Variants in CMSS1 observed in about 807,000 individuals in gnomAD.
CMSS1 encodes protein CMSS1.
In CMSS1, 33 loss-of-function variants were observed where a neutral mutation model predicts 43.5. The observed-to-expected ratio is 0.76, with a 90% CI of 0.57 to 1.01. CMSS1 has a LOEUF of 1.01. Among genes scored for constraint, CMSS1 ranks in the 50% least tolerant of loss-of-function variants. CMSS1 has a pLI of 0.00. For synonymous variants in CMSS1, 115 were observed against 117.2 expected, an observed-to-expected ratio of 0.98 and a Z score of 0.12; for missense variants, 313 against 326.4, an observed-to-expected ratio of 0.96 and a Z score of 0.32.
At chr3:100,144,457 G>A (rs1162617446) in intron 1 of CMSS1, among the ~76,000 whole-genome samples, 1 of 152,174 alleles carries the variant, frequency 6.6e-6, no homozygotes, top group Non-Finnish European at 1.5e-5. Context: ...TGGTGGTGGT[G>A]AAGTTGGGGA....
chr3:99,880,196 C>T (rs1705675835), intron 1 of CMSS1, among the ~76,000 whole-genome samples: 1 of 152,174 alleles, frequency 6.6e-6, no homozygotes, highest in Non-Finnish European at 1.5e-5. Context: ...ATGCCCTAGA[C>T]AATCATTTTT....
At chr3:100,048,789 C>T (rs1559739052) in intron 1 of CMSS1, among the ~76,000 whole-genome samples, 1 of 152,052 alleles carries the variant, frequency 6.6e-6, no homozygotes, top group East Asian at 1.9e-4. Flanking sequence ...CTAGGTTTTT[C>T]TCCTAGGACA....
intron 1 of CMSS1, chr3:99,849,662 A>G: frequency 6.2e-7 from 1 of 1,613,334 alleles, no homozygotes; most frequent in Non-Finnish European, 8.5e-7. Context: ...TTAGATAAAA[A>G]TTGAGCTTTG....
At chr3:100,046,115 A>G (rs1480495304) in intron 1 of CMSS1, among the ~76,000 whole-genome samples, 2 of 152,218 alleles carry the variant, frequency 1.3e-5, no homozygotes, top group Admixed American at 6.5e-5. Context: ...TTTTCCCCCA[A>G]GGCTTCACAG....
At chr3:100,051,868 A>C (rs2065380007) in intron 1 of CMSS1, among the ~76,000 whole-genome samples, 1 of 148,566 alleles carries the variant, frequency 6.7e-6, no homozygotes, top group South Asian at 2.1e-4. Context: ...TAAGTATATA[A>C]TTTAATGTAA....
chr3:99,850,883 T>G (rs1263779049), intron 1 of CMSS1: 13 of 1,614,096 alleles, frequency 8.1e-6, no homozygotes, highest in Non-Finnish European at 1.0e-5. Context: ...TTTGCATTTG[T>G]GGTCAGCTCT....
At chr3:99,953,256 G>A (rs1309095429) in intron 1 of CMSS1, among the ~76,000 whole-genome samples, 2 of 151,962 alleles carry the variant, frequency 1.3e-5, no homozygotes, top group African/African-American at 4.8e-5. Flanking sequence ...ATAACCAATC[G>A]TTTCTTTGTT....
rs12630489 is a variant in CMSS1, at chr3:100,010,040, A to G, written c.65-136933A>G. The G allele has an allele frequency of 5.7e-4, 120 of 211,792 alleles. 1 individual carries two copies. In the East Asian group the frequency reaches 0.02, roughly 35 times the overall value. The allele number at this position is 211,792 out of a possible 1,614,324, so 13.1% of individuals were successfully genotyped here. On this transcript the variant is annotated intron_variant, in intron 1 of 9. Transcript: ENST00000421999. The stretch of plus-strand genomic sequence containing the variant: ...TTTGGATTGTCCATCAGTTGTTAAG[A>G]TATCTACCATATGTTTTACAGACTA...
intron 1 of CMSS1, chr3:100,075,599 G>T (rs2065837804): frequency 6.7e-6 from 1 of 148,718 alleles, no homozygotes. Context: ...TATACCCACT[G>T]ATGGCAGACT....
intron 1 of CMSS1, among the ~76,000 whole-genome samples, chr3:100,014,898 T>TC (rs34248769): frequency 0.068 from 7,419 of 109,744 alleles, 327 homozygotes; most frequent in Non-Finnish European, 0.1. Context: ...TTTCTTTCTT[T>TC]TTTTTTTTTT....
At chr3:99,906,778 C>T (rs564724625) in intron 1 of CMSS1, among the ~76,000 whole-genome samples, 2 of 152,244 alleles carry the variant, frequency 1.3e-5, no homozygotes, top group African/African-American at 4.8e-5. Flanking sequence ...TGGATTGGAT[C>T]ATTGAACTAT....
chr3:100,065,989 C>T (rs1210601802), intron 1 of CMSS1, among the ~76,000 whole-genome samples: 2 of 152,190 alleles, frequency 1.3e-5, no homozygotes, highest in African/African-American at 4.8e-5. Context: ...GGGAATGCGA[C>T]CCAGCAATAT....
chr3:99,833,154 C>A, intron 1 of CMSS1: 1 of 1,320,376 alleles, frequency 7.6e-7, no homozygotes, highest in Non-Finnish European at 1.1e-6. Flanking sequence ...TAGAAGAAAA[C>A]GATTTTTTAA....
At chr3:100,155,760 T>G (rs1030749008) in intron 2 of CMSS1, among the ~76,000 whole-genome samples, 17 of 152,354 alleles carry the variant, frequency 1.1e-4, no homozygotes, top group African/African-American at 4.1e-4. Context: ...GATTGATACT[T>G]TGGCTGGGTA....
chr3:100,091,616 A>C (rs1170249300), intron 1 of CMSS1, among the ~76,000 whole-genome samples: 2 of 152,204 alleles, frequency 1.3e-5, no homozygotes, highest in African/African-American at 4.8e-5. Context: ...ACAAAAGTAT[A>C]ACTAGCTTCT....
At chr3:99,824,299 G>A (rs1942496304) in intron 1 of CMSS1, among the ~76,000 whole-genome samples, 1 of 152,130 alleles carries the variant, frequency 6.6e-6, no homozygotes, top group Non-Finnish European at 1.5e-5. Context: ...AGGCAGTCTA[G>A]AGTAACTATC....
intron 1 of CMSS1, among the ~76,000 whole-genome samples, chr3:99,818,850 A>G (rs1942376293): frequency 6.6e-6 from 1 of 152,228 alleles, no homozygotes; most frequent in South Asian, 2.1e-4. Context: ...TTTCATCCCC[A>G]AGTAGAGTAG....
intron 1 of CMSS1, among the ~76,000 whole-genome samples, chr3:99,997,120 G>A (rs1437892707): frequency 6.6e-6 from 1 of 152,080 alleles, no homozygotes; most frequent in Admixed American, 6.5e-5. Context: ...AAAGATCAGA[G>A]CAGAACTAAA....
intron 8 of CMSS1, among the ~76,000 whole-genome samples, chr3:100,172,692 C>A (rs1471182896): frequency 6.6e-6 from 1 of 152,166 alleles, no homozygotes; most frequent in East Asian, 1.9e-4. Context: ...CAGTGTGCAG[C>A]CACTGCTTGA....
Sources: gnomAD v4.1 joint callset for allele counts (sites outside exome capture counted in the v4.1 genomes callset) on GRCh38, gnomAD v4.1.1 for gene constraint, MANE v1.5 for transcripts, NCBI Gene and HGNC (gene_info 2026-07-23, HGNC 2026-07-21) for gene names.